Variants in SMN1 observed in about 807,000 individuals in gnomAD.
SMN1 encodes the protein survival of motor neuron 1, telomeric, also known as survival motor neuron protein.
For synonymous variants in SMN1, 3 were observed against 5.1 expected (o/e 0.58, Z 0.56); for missense variants, 15 against 17.1 (o/e 0.88, Z 0.22).
the SMN1 span, among the ~76,000 whole-genome samples, chr5:70,959,147 A>G: frequency 4.0e-5 from 6 of 149,458 alleles, no homozygotes; most frequent in South Asian, 2.2e-4. Context: ...TCAGTAAACT[A>G]TCGCAAGGAC....
In SMN1 at chr5:70,951,992, G is replaced by A. The variant is rs763144752; in HGVS notation, c.*1G>A. The A allele has an allele frequency of 3.1e-6, 5 of 1,612,618 alleles. No individual in the cohort carries two copies. The highest frequency in any genetic ancestry group is 3.4e-6 in the Non-Finnish European group (4 of 1,179,180). ...AAGGTGCTCACATTCCTTAAATTAA[G>A]GAGTAAGTCTGCCAGCATTATGAAA... On this transcript the variant is annotated splice_region_variant and 3_prime_UTR_variant, in exon 8 of 9. Transcript: ENST00000380707.
downstream of SMN1, among the ~76,000 whole-genome samples, chr5:70,955,702 T>C (rs1353237267): frequency 6.8e-5 from 10 of 148,132 alleles, no homozygotes; most frequent in African/African-American, 2.3e-4. Context: ...TGAGAATCAC[T>C]TGAACCCAGG....
Position 70,951,883 on chromosome 5 carries a change from A to G in SMN1, c.835-58A>G. 5 of 1,476,682 alleles carry G rather than the reference A, an allele frequency of 3.4e-6. 1 individual carries two copies. The South Asian group carries it at 5.7e-5, about 17-fold the overall frequency. The allele number at this position is 1,476,682 out of a possible 1,614,324, so 91.5% of individuals were successfully genotyped here. A position where few individuals can be genotyped will look rare whatever the true frequency, so the allele number is the denominator to read the frequency against. On this transcript the variant is annotated intron_variant, in intron 7 of 8. Coordinates refer to ENST00000380707, the MANE Select transcript of SMN1 (RefSeq NM_000344.4). ...TTAACATCCATATAAAGCTATCTATATATAGCTATCTATGTCTATATAGCT... is the reference window on the plus strand; with the variant it reads ...TTAACATCCATATAAAGCTATCTATGTATAGCTATCTATGTCTATATAGCT...
the SMN1 span, among the ~76,000 whole-genome samples, chr5:70,960,776 A>G: frequency 2.8e-5 from 4 of 144,318 alleles, no homozygotes; most frequent in Non-Finnish European, 4.6e-5. Context: ...GCTCACTGCA[A>G]CCTCCTCCTC....
intron 7 of SMN1, 116 bp from the exon 8 acceptor site, chr5:70,951,825 A>G (rs1055846766): frequency 4.7e-5 from 31 of 654,466 alleles, no homozygotes; most frequent in Admixed American, 4.0e-4. Flanking sequence ...GTTGAATAAA[A>G]TAAGTAAAAT....
chr5:70,959,534 G>GT, the SMN1 span, among the ~76,000 whole-genome samples: 1 of 99,280 alleles, frequency 1.0e-5, no homozygotes, highest in African/African-American at 3.4e-5. Context: ...GTGGATGAGA[G>GT]TTTAATTTGT....
chr5:70,950,428 G>C (rs1424958679), intron 7 of SMN1, among the ~76,000 whole-genome samples: 2 of 148,276 alleles, frequency 1.3e-5, no homozygotes, highest in African/African-American at 4.9e-5. Flanking sequence ...AAAAAAAAAA[G>C]GAAGAAAAAT....
At chr5:70,951,476 T>C (rs936470046) in intron 7 of SMN1, among the ~76,000 whole-genome samples, 6 of 151,786 alleles carry the variant, frequency 4.0e-5, no homozygotes, top group South Asian at 2.1e-4. Context: ...GGTTTTGCCA[T>C]GTTGGCCAGG....
At chr5:70,950,577 C>A (rs1411122469) in intron 7 of SMN1, among the ~76,000 whole-genome samples, 1 of 145,090 alleles carries the variant, frequency 6.9e-6, no homozygotes, top group Non-Finnish European at 1.5e-5. Flanking sequence ...CCTCAGCTTC[C>A]CGAGTAGCTG....
downstream of SMN1, among the ~76,000 whole-genome samples, chr5:70,954,886 A>C (rs1580897420): frequency 8.4e-5 from 1 of 11,902 alleles, no homozygotes; most frequent in Non-Finnish European, 1.7e-4. Context: ...AAAAAAAAAA[A>C]AAAAAAAAAA....
At chr5:70,927,657 A>G (rs1449608122) in intron 1 of SMN1, among the ~76,000 whole-genome samples, 1 of 24,070 alleles carries the variant, frequency 4.2e-5, no homozygotes, top group Non-Finnish European at 6.9e-5. Context: ...ACCCTGAGAG[A>G]CAGTTTAAAA....
chr5:70,963,878 C>CTT, the SMN1 span, among the ~76,000 whole-genome samples: 8 of 69,304 alleles, frequency 1.2e-4, no homozygotes, highest in African/African-American at 3.4e-4. Context: ...AAGTTTCAAA[C>CTT]TTTTTTTTTT....
At chr5:70,952,195 T>C in intron 8 of SMN1, 2 of 1,491,938 alleles carry the variant, frequency 1.3e-6, no homozygotes, top group Admixed American at 2.5e-5. Context: ...ATTCTCATAC[T>C]TAACTGGTTG....
chr5:70,950,447 A>T (rs1348531277), intron 7 of SMN1, among the ~76,000 whole-genome samples: 59 of 149,636 alleles, frequency 3.9e-4, no homozygotes, highest in African/African-American at 1.4e-3. Flanking sequence ...ATATTTTTTT[A>T]AATTAATTAG....
intron 7 of SMN1, among the ~76,000 whole-genome samples, chr5:70,950,523 G>A (rs1264455572): frequency 6.7e-6 from 1 of 148,914 alleles, no homozygotes; most frequent in Non-Finnish European, 1.5e-5. Context: ...GTGCAATCTC[G>A]GCTCACTGCA....
At chr5:70,959,356 T>C in the SMN1 span, among the ~76,000 whole-genome samples, 8 of 148,930 alleles carry the variant, frequency 5.4e-5, no homozygotes, top group African/African-American at 2.0e-4. Flanking sequence ...TGTATACATA[T>C]GTAACTAACC....
chr5:70,956,793 A>T (rs1194768637), downstream of SMN1, among the ~76,000 whole-genome samples: 1 of 149,400 alleles, frequency 6.7e-6, no homozygotes, highest in Non-Finnish European at 1.5e-5. Context: ...TGACTTGGCG[A>T]TGCGGGCTTT....
At chr5:70,951,120 G>A (rs1286153854) in intron 7 of SMN1, among the ~76,000 whole-genome samples, 1 of 151,562 alleles carries the variant, frequency 6.6e-6, no homozygotes, top group Non-Finnish European at 1.5e-5. Context: ...TAGAGACCAG[G>A]TCTCACTCTA....
At chr5:70,963,907 C>T in the SMN1 span, among the ~76,000 whole-genome samples, 95 of 71,326 alleles carry the variant, frequency 1.3e-3, no homozygotes, top group African/African-American at 5.0e-3. Context: ...TTTTTTGAGA[C>T]GGAGTCTTGC....
Sources: gnomAD v4.1 joint callset for allele counts (sites outside exome capture counted in the v4.1 genomes callset) on GRCh38, gnomAD v4.1.1 for gene constraint, MANE v1.5 for transcripts, NCBI Gene and HGNC (gene_info 2026-07-23, HGNC 2026-07-21) for gene names.